Variants in MSRA observed in about 807,000 individuals in gnomAD.
The protein encoded by MSRA is methionine sulfoxide reductase A, also known as mitochondrial peptide methionine sulfoxide reductase.
MSRA carries 54 observed loss-of-function variants against 31.3 expected under a neutral mutation model. The ratio of observed to expected loss-of-function variants is 1.73; its 90% CI spans 1.39 to 2.17. The LOEUF is 2.17. MSRA is among the 30% of genes most tolerant of loss of function. The pLI is 0.00. For missense variants in MSRA, 507 were observed against 300.9 expected (o/e 1.69, Z -5.07); for synonymous variants, 169 against 116.5 (o/e 1.45, Z -2.90).
At chr8:10,157,674 G>C (rs1380610774) in intron 1 of MSRA, among the ~76,000 whole-genome samples, 1 of 152,012 alleles carries the variant, frequency 6.6e-6, no homozygotes, top group African/African-American at 2.4e-5. Context: ...ATGAGAGTCA[G>C]AGTCAAATTT....
chr8:10,111,819 C>G (rs1044840960), intron 1 of MSRA, among the ~76,000 whole-genome samples: 1 of 152,178 alleles, frequency 6.6e-6, no homozygotes, highest in African/African-American at 2.4e-5. Flanking sequence ...GATGGTCACA[C>G]ACGCTGTCTC....
intron 5 of MSRA, among the ~76,000 whole-genome samples, chr8:10,325,138 T>C (rs1802287733): frequency 6.6e-6 from 1 of 152,092 alleles, no homozygotes; most frequent in Admixed American, 6.5e-5. Context: ...AAAGGGTCCT[T>C]CTCACTCCGA....
chr8:10,066,468 G>A (rs1416776379), intron 1 of MSRA, among the ~76,000 whole-genome samples: 1 of 152,176 alleles, frequency 6.6e-6, no homozygotes, highest in Non-Finnish European at 1.5e-5. Flanking sequence ...GGACCAGATT[G>A]TATTTTCTGT....
chr8:10,377,511 C>T (rs918549119), intron 5 of MSRA, among the ~76,000 whole-genome samples: 4 of 152,132 alleles, frequency 2.6e-5, no homozygotes, highest in African/African-American at 7.2e-5. Context: ...GATGGGAGAG[C>T]CGGGGGCATC....
At chr8:10,087,942 T>G (rs1798652386) in intron 1 of MSRA, among the ~76,000 whole-genome samples, 2 of 152,224 alleles carry the variant, frequency 1.3e-5, no homozygotes, top group Admixed American at 1.3e-4. Context: ...CAAAAGTAAT[T>G]GCGGTTTTTG....
At chr8:10,249,611 C>T (rs1010751677) in intron 3 of MSRA, among the ~76,000 whole-genome samples, 1 of 152,136 alleles carries the variant, frequency 6.6e-6, no homozygotes, top group South Asian at 2.1e-4. Flanking sequence ...GAATTCTAAC[C>T]CCTCTGAAAG....
intron 5 of MSRA, among the ~76,000 whole-genome samples, chr8:10,424,136 G>A (rs1020342480): frequency 6.6e-6 from 1 of 152,230 alleles, no homozygotes; most frequent in Non-Finnish European, 1.5e-5. Context: ...GGGACATTTG[G>A]TCTGGGTCCT....
intron 3 of MSRA, among the ~76,000 whole-genome samples, chr8:10,283,152 A>T (rs934046277): frequency 1.1e-5 from 1 of 90,096 alleles, no homozygotes; most frequent in African/African-American, 4.5e-5. Flanking sequence ...ACACACACAC[A>T]CACACACACT....
intron 1 of MSRA, among the ~76,000 whole-genome samples, chr8:10,163,304 G>A (rs929660263): frequency 6.6e-6 from 1 of 152,210 alleles, no homozygotes; most frequent in Non-Finnish European, 1.5e-5. Context: ...CAGGTGTGCT[G>A]AGAATGTAGG....
At chr8:10,323,934 C>G (rs912257043) in intron 5 of MSRA, among the ~76,000 whole-genome samples, 2 of 152,208 alleles carry the variant, frequency 1.3e-5, no homozygotes. Context: ...ATCACCAACT[C>G]AGGGGACAAA....
chr8:10,059,364 A>G (rs1226730695), intron 1 of MSRA, among the ~76,000 whole-genome samples: 1 of 152,218 alleles, frequency 6.6e-6, no homozygotes, highest in African/African-American at 2.4e-5. Flanking sequence ...CCACTTATAG[A>G]TGTGGAAACT....
intron 1 of MSRA, among the ~76,000 whole-genome samples, chr8:10,148,854 G>C (rs1001359338): frequency 2.0e-5 from 3 of 148,514 alleles, no homozygotes; most frequent in African/African-American, 7.4e-5. Flanking sequence ...ATCATAACTT[G>C]TTGAGAAGTA....
intron 1 of MSRA, among the ~76,000 whole-genome samples, chr8:10,066,562 T>G (rs1317996815): frequency 6.6e-6 from 1 of 152,170 alleles, no homozygotes; most frequent in Non-Finnish European, 1.5e-5. Context: ...AGACGGAGTT[T>G]CACTGTTGTT....
intron 5 of MSRA, among the ~76,000 whole-genome samples, chr8:10,417,185 G>A (rs540217707): frequency 6.6e-6 from 1 of 152,148 alleles, no homozygotes; most frequent in African/African-American, 2.4e-5. Context: ...CTCCCAATGA[G>A]TTCACAAAGC....
intron 3 of MSRA, among the ~76,000 whole-genome samples, chr8:10,277,952 A>G (rs1206731050): frequency 1.4e-4 from 21 of 152,230 alleles, no homozygotes; most frequent in Admixed American, 1.4e-3. Context: ...CTATGAAGGA[A>G]TTGTAAGAGT....
At chr8:10,332,106 C>G (rs796578039) in intron 5 of MSRA, among the ~76,000 whole-genome samples, 4 of 152,242 alleles carry the variant, frequency 2.6e-5, no homozygotes, top group African/African-American at 9.6e-5. Flanking sequence ...GAGAAAATGT[C>G]ATGGTTATCT....
chr8:10,423,518 G>T (rs910360310), intron 5 of MSRA, among the ~76,000 whole-genome samples: 2 of 152,212 alleles, frequency 1.3e-5, no homozygotes, highest in Admixed American at 1.3e-4. Context: ...GGGCGGGGAG[G>T]GGGGGTGGCA....
At chr8:10,293,720 C>T (rs1317966930) in intron 3 of MSRA, among the ~76,000 whole-genome samples, 3 of 152,132 alleles carry the variant, frequency 2.0e-5, no homozygotes, top group African/African-American at 7.2e-5. Flanking sequence ...TCCCCTCCTG[C>T]TTCCTCCCCT....
At chr8:10,404,040 CATT>C (rs1464724751) in intron 5 of MSRA, among the ~76,000 whole-genome samples, 5 of 152,180 alleles carry the variant, frequency 3.3e-5, no homozygotes, top group Non-Finnish European at 7.3e-5. Context: ...CATTATATGT[CATT>C]ATATATCATA....
Sources: gnomAD v4.1 joint callset for allele counts (sites outside exome capture counted in the v4.1 genomes callset) on GRCh38, gnomAD v4.1.1 for gene constraint, MANE v1.5 for transcripts, NCBI Gene and HGNC (gene_info 2026-07-23, HGNC 2026-07-21) for gene names.